Variants in CNTLN observed in about 807,000 individuals in gnomAD.
CNTLN encodes the protein centlein, centrosomal protein.
Under a neutral mutation model 180.0 loss-of-function variants are expected in CNTLN, and 212 were observed. The ratio of observed to expected loss-of-function variants is 1.18; its 90% CI spans 1.05 to 1.32. The LOEUF (loss-of-function observed/expected upper bound fraction) is 1.32, where lower values mean the gene tolerates loss of function less well. Among genes scored for constraint, CNTLN ranks in the 40% most tolerant of loss-of-function variants. The pLI, the probability that CNTLN is intolerant of heterozygous loss-of-function variation, is 0.00. For missense variants in CNTLN, 2,095 were observed against 1,610.9 expected (o/e 1.30, Z -5.14); for synonymous variants, 722 against 563.1 (o/e 1.28, Z -3.99).
intron 23 of CNTLN, among the ~76,000 whole-genome samples, chr9:17,482,140 C>G (rs1421810995): frequency 6.6e-6 from 1 of 152,030 alleles, no homozygotes; most frequent in African/African-American, 2.4e-5. Flanking sequence ...TTCAGATTAG[C>G]CCTCTTAAAG....
At chr9:17,358,793 A>G (rs1823063718) in intron 12 of CNTLN, among the ~76,000 whole-genome samples, 1 of 152,186 alleles carries the variant, frequency 6.6e-6, no homozygotes, top group Admixed American at 6.5e-5. Context: ...AATTATGGAA[A>G]TTTGGAGACA....
Position 17,305,748 on chromosome 9 carries a change from G to A in CNTLN, c.1147-3310G>A, listed in dbSNP as rs185206570. 4.5e-3 allele frequency among the ~76,000 whole-genome samples: 690 copies of A among 152,248 alleles called. 4 individuals carry two copies. The highest frequency in any genetic ancestry group is 8.2e-3 in the Non-Finnish European group (556 of 67,998). On this transcript the variant is annotated intron_variant, in intron 7 of 25. Transcript: ENST00000380647. ...GTTTACTGCTGGACTGAGGCCTAGA[G>A]TTAAAAATGGCTGGAGGACTATCTT...
chr9:17,343,263 G>T (rs10810767), intron 12 of CNTLN, among the ~76,000 whole-genome samples: 2 of 151,960 alleles, frequency 1.3e-5, no homozygotes, highest in African/African-American at 4.8e-5. Flanking sequence ...AACCTCTTCT[G>T]CTACTTAACT....
chr9:17,439,647 A>G (rs1230718752), intron 18 of CNTLN, among the ~76,000 whole-genome samples: 2 of 152,244 alleles, frequency 1.3e-5, no homozygotes, highest in African/African-American at 4.8e-5. Flanking sequence ...AGAATGAGAA[A>G]TTGAATAAAC....
chr9:17,268,528 C>T (rs150155374), intron 5 of CNTLN, among the ~76,000 whole-genome samples: 20 of 152,310 alleles, frequency 1.3e-4, no homozygotes, highest in African/African-American at 3.6e-4. Context: ...TCTCAGATCT[C>T]TAGCCGCGTG....
intron 5 of CNTLN, among the ~76,000 whole-genome samples, chr9:17,265,458 G>A (rs1207226663): frequency 6.6e-6 from 1 of 152,078 alleles, no homozygotes; most frequent in Admixed American, 6.5e-5. Context: ...TTTTATTGAG[G>A]ATTTTTACAT....
At chr9:17,387,947 G>GAAA (rs34567309) in intron 13 of CNTLN, among the ~76,000 whole-genome samples, 16 of 141,870 alleles carry the variant, frequency 1.1e-4, no homozygotes, top group African/African-American at 4.2e-4. Context: ...ATCTTATACT[G>GAAA]AAAAAAAAAA....
chr9:17,527,454 T>A, the CNTLN span, among the ~76,000 whole-genome samples: 1 of 152,326 alleles, frequency 6.6e-6, no homozygotes, highest in African/African-American at 2.4e-5. Context: ...ATAAAGTTGT[T>A]TCCCATGGAG....
chr9:17,264,836 C>G (rs1032032525), intron 5 of CNTLN, among the ~76,000 whole-genome samples: 2 of 151,664 alleles, frequency 1.3e-5, no homozygotes, highest in African/African-American at 4.9e-5. Flanking sequence ...ATTTGGCTCT[C>G]TGTTTGTCTG....
Position 17,178,350 on chromosome 9 carries a change from C to T in CNTLN, c.449+34974C>T, listed in dbSNP as rs187585159. On this transcript the variant is annotated intron_variant, in intron 2 of 25. Coordinates refer to ENST00000380647, the MANE Select transcript of CNTLN (RefSeq NM_017738.4). ...GACTCAGGAGCCCAGCTGGCTTCAC[C>T]CAGTGGATCCCGCACCCGGGCCGCA... Among the ~76,000 whole-genome samples, 444 of 152,340 alleles carry T rather than the reference C, an allele frequency of 2.9e-3. 5 individuals are homozygous for T. The highest frequency in any genetic ancestry group is 0.01 in the African/African-American group (423 of 41,576).
intron 23 of CNTLN, among the ~76,000 whole-genome samples, chr9:17,483,346 C>T (rs960908510): frequency 1.3e-5 from 2 of 151,930 alleles, no homozygotes; most frequent in Non-Finnish European, 2.9e-5. Flanking sequence ...TTTATACATT[C>T]TTTGTGGAGA....
At chr9:17,221,887 C>T (rs550730210) in intron 2 of CNTLN, among the ~76,000 whole-genome samples, 1 of 152,176 alleles carries the variant, frequency 6.6e-6, no homozygotes, top group African/African-American at 2.4e-5. Context: ...CTTCCCATAA[C>T]TGTATCTACC....
At position 17,239,735 on chromosome 9, in the gene CNTLN, C is replaced by G. The variant is rs1278013171; in HGVS notation, c.849+3147C>G. 2.0e-5 allele frequency among the ~76,000 whole-genome samples: 3 copies of G among 152,106 alleles called. No individual in the cohort carries two copies. The East Asian group carries it at 5.8e-4, about 29-fold the overall frequency. On this transcript the variant is annotated intron_variant, in intron 5 of 25. Transcript: ENST00000380647. ...TTTGTTGAAGAAAATTCTTTTTTCC[C>G]CACTGAATTGTCTTGATACCATTAT...
At chr9:17,180,172 GAT>G (rs979650461) in intron 2 of CNTLN, among the ~76,000 whole-genome samples, 5 of 147,494 alleles carry the variant, frequency 3.4e-5, no homozygotes, top group African/African-American at 1.2e-4. Context: ...CTTGATTATT[GAT>G]ATGTTAGCAT....
chr9:17,261,730 C>G (rs373753925), intron 5 of CNTLN, among the ~76,000 whole-genome samples: 6 of 150,508 alleles, frequency 4.0e-5, no homozygotes, highest in South Asian at 2.1e-4. Context: ...TAAGAGTGGG[C>G]ATGGCTTCTA....
intron 19 of CNTLN, among the ~76,000 whole-genome samples, chr9:17,462,325 A>T (rs1349468910): frequency 6.6e-6 from 1 of 151,760 alleles, no homozygotes; most frequent in Non-Finnish European, 1.5e-5. Context: ...CTTCCACATG[A>T]TACATCAACT....
intron 8 of CNTLN, among the ~76,000 whole-genome samples, chr9:17,325,911 C>A (rs927833345): frequency 6.6e-6 from 1 of 151,938 alleles, no homozygotes; most frequent in Non-Finnish European, 1.5e-5. Flanking sequence ...AAACAATTTT[C>A]TATGTATTAG....
At chr9:17,256,018 A>G (rs979312203) in intron 5 of CNTLN, among the ~76,000 whole-genome samples, 5 of 151,920 alleles carry the variant, frequency 3.3e-5, no homozygotes, top group Non-Finnish European at 7.4e-5. Flanking sequence ...TAGTATTCTT[A>G]GTTTTCCATT....
the CNTLN span, among the ~76,000 whole-genome samples, chr9:17,526,747 T>A: frequency 2.6e-4 from 10 of 38,376 alleles, no homozygotes; most frequent in Middle Eastern, 0.028. Context: ...GTAAAAAAAT[T>A]AATTAATTTA....
Sources: gnomAD v4.1 joint callset for allele counts (sites outside exome capture counted in the v4.1 genomes callset) on GRCh38, gnomAD v4.1.1 for gene constraint, MANE v1.5 for transcripts, NCBI Gene and HGNC (gene_info 2026-07-23, HGNC 2026-07-21) for gene names.